The following GFRA2 variants were observed in gnomAD, a reference collection of about 807,000 sequenced individuals.
The protein encoded by GFRA2 is GDNF family receptor alpha 2, also known as GDNF family receptor alpha-2.
A neutral mutation model predicts 48.3 loss-of-function variants in GFRA2; 17 were observed. The observed-to-expected ratio is 0.35, with a 90% confidence interval of 0.24 to 0.53. The LOEUF is 0.53. Ranked by LOEUF, GFRA2 falls within the 20% of genes least tolerant of loss-of-function variation. The pLI, the probability that GFRA2 is intolerant of heterozygous loss-of-function variation, is 0.93. For synonymous variants in GFRA2, 305 were observed against 257.2 expected (o/e 1.19, Z -1.78); for missense variants, 660 against 637.3 (o/e 1.04, Z -0.38).
chr8:21,784,121 C>A (rs1237163947), intron 1 of GFRA2, among the ~76,000 whole-genome samples: 1 of 152,152 alleles, frequency 6.6e-6, no homozygotes, highest in Non-Finnish European at 1.5e-5. Context: ...CATGTCCACA[C>A]CCACAGTGCC....
intron 4 of GFRA2, among the ~76,000 whole-genome samples, chr8:21,747,266 G>C (rs527465770): frequency 5.3e-5 from 8 of 152,206 alleles, no homozygotes; most frequent in Admixed American, 3.3e-4. Context: ...ATCCTGTTTG[G>C]GGGAGTTATT....
upstream of GFRA2, among the ~76,000 whole-genome samples, chr8:21,792,922 C>A (rs1250986758): frequency 6.6e-6 from 1 of 152,154 alleles, no homozygotes; most frequent in Non-Finnish European, 1.5e-5. Flanking sequence ...AAAAACATAT[C>A]CAGGTGCGGT....
chr8:21,711,499 T>C (rs1254680592), intron 4 of GFRA2, among the ~76,000 whole-genome samples: 1 of 152,130 alleles, frequency 6.6e-6, no homozygotes, highest in Non-Finnish European at 1.5e-5. Flanking sequence ...CTGTAGCCTG[T>C]TCAGTTGCAG....
intron 7 of GFRA2, among the ~76,000 whole-genome samples, chr8:21,701,412 A>C (rs1246913978): frequency 6.6e-6 from 1 of 152,176 alleles, no homozygotes; most frequent in Admixed American, 6.5e-5. Flanking sequence ...AAAAATAAAA[A>C]ATAAAAACAT....
chr8:21,737,643 G>A (rs1804537241), intron 4 of GFRA2, among the ~76,000 whole-genome samples: 2 of 152,066 alleles, frequency 1.3e-5, no homozygotes, highest in Admixed American at 1.3e-4. Flanking sequence ...CGCCGTCCAG[G>A]AGGCTCAGTC....
chr8:21,699,406 G>A (rs1184592712), intron 7 of GFRA2, among the ~76,000 whole-genome samples: 2 of 152,198 alleles, frequency 1.3e-5, no homozygotes, highest in African/African-American at 2.4e-5. Context: ...AATCACAGGT[G>A]GGCAGGTGGA....
intron 2 of GFRA2, among the ~76,000 whole-genome samples, chr8:21,795,496 G>A (rs1335394453): frequency 1.3e-5 from 2 of 151,994 alleles, no homozygotes; most frequent in Non-Finnish European, 2.9e-5. Flanking sequence ...AGGTTCAAGC[G>A]ATTCTCATGC....
chr8:21,716,368 A>G lies in GFRA2; in HGVS notation c.795-10327T>C, dbSNP rs555288579. 2.6e-5 allele frequency among the ~76,000 whole-genome samples: 4 copies of G among 152,110 alleles called. No individual in the cohort carries two copies. In the East Asian group the frequency reaches 7.7e-4, roughly 29 times the overall value. On this transcript the variant is annotated intron_variant, in intron 4 of 8. Transcript: ENST00000524240. The stretch of plus-strand genomic sequence containing the variant: ...TATTTAGGTCACTCTCTAATTCTGC[A>G]TGACCTCCTTTGTCCAGGTCCTAAG...
At chr8:21,693,520 C>G (rs1358882080) in intron 8 of GFRA2, 120 bp from the exon 9 acceptor site, 8 of 878,472 alleles carry the variant, frequency 9.1e-6, no homozygotes, top group Middle Eastern at 4.7e-4. Context: ...AGCCCCTGTC[C>G]TCTCTTCCAC....
chr8:21,702,688 C>G, intron 7 of GFRA2, 117 bp downstream of exon 7: 1 of 1,028,074 alleles, frequency 9.7e-7, no homozygotes. Flanking sequence ...CTCCTCCCTG[C>G]CTCTTGGGTC....
intron 4 of GFRA2, among the ~76,000 whole-genome samples, chr8:21,735,249 A>G (rs4413766): frequency 0.69 from 105,541 of 152,012 alleles, 36,724 homozygotes; most frequent in South Asian, 0.76. Flanking sequence ...CTTGCATCCC[A>G]TGGAGTCCAT....
chr8:21,703,649 T>A (rs775578399), intron 6 of GFRA2, among the ~76,000 whole-genome samples: 6 of 152,150 alleles, frequency 3.9e-5, no homozygotes, highest in Non-Finnish European at 4.4e-5. Context: ...AGGTATCATC[T>A]CTTATCTACC....
chr8:21,714,162 C>T (rs918480820), intron 4 of GFRA2, among the ~76,000 whole-genome samples: 2 of 149,550 alleles, frequency 1.3e-5, no homozygotes, highest in Admixed American at 1.3e-4. Flanking sequence ...CAAGAGCATA[C>T]TTTCCCAAAT....
At chr8:21,734,502 C>T (rs1804353674) in intron 4 of GFRA2, among the ~76,000 whole-genome samples, 1 of 152,094 alleles carries the variant, frequency 6.6e-6, no homozygotes, top group Admixed American at 6.5e-5. Flanking sequence ...CTTTTTTTTC[C>T]TGCAACAGCC....
At chr8:21,709,020 G>A (rs1007489221) in intron 4 of GFRA2, among the ~76,000 whole-genome samples, 15 of 152,294 alleles carry the variant, frequency 9.8e-5, no homozygotes, top group African/African-American at 2.9e-4. Context: ...GATCAGGTCC[G>A]AACACCGGAG....
chr8:21,702,713 A>G (rs1004344352), intron 7 of GFRA2, 92 bp downstream of exon 7: 65 of 1,304,122 alleles, frequency 5.0e-5, no homozygotes, highest in Non-Finnish European at 6.6e-5. Context: ...ATCCAAAGGG[A>G]GGACCCTCCC....
At chr8:21,774,791 G>C (rs935802182) in intron 3 of GFRA2, among the ~76,000 whole-genome samples, 181 bp downstream of exon 3, 1 of 152,218 alleles carries the variant, frequency 6.6e-6, no homozygotes, top group Non-Finnish European at 1.5e-5. Flanking sequence ...GAAGCACCCA[G>C]GGAGGTGGGC....
intron 1 of GFRA2, 39 bp from the exon 2 acceptor site, chr8:21,782,938 C>T (rs1473325820): frequency 5.3e-6 from 8 of 1,512,126 alleles, no homozygotes; most frequent in African/African-American, 1.4e-5. Flanking sequence ...GAATGACGGC[C>T]GCCACAATCT....
Position 21,693,414 on chromosome 8 carries a change from A to T in GFRA2, c.1273-14T>A. 1 of 1,599,152 alleles carries T rather than the reference A, an allele frequency of 6.3e-7. No individual in the cohort carries two copies. Among genetic ancestry groups the T allele is most frequent in the Non-Finnish European group, 8.5e-7 (1 of 1,172,042 alleles). ...ATTTGTCGTGAGCTGAGTCCGCAGC[A>T]GGAGAAGAATCAGGAACAAAGAGAA... On this transcript the variant is annotated splice_polypyrimidine_tract_variant and intron_variant, in intron 8 of 8. Coordinates refer to ENST00000524240, the MANE Select transcript of GFRA2 (RefSeq NM_001495.5).
Sources: allele counts gnomAD v4.1 joint callset (sites outside exome capture counted in the v4.1 genomes callset), GRCh38; gene constraint gnomAD v4.1.1; transcripts MANE v1.5; gene names NCBI Gene and HGNC (gene_info 2026-07-23, HGNC 2026-07-21).